The following MAML2 variants were observed in gnomAD, a reference collection of about 807,000 sequenced individuals.
MAML2 encodes the protein mastermind like transcriptional coactivator 2.
Under a neutral mutation model 96.1 loss-of-function variants are expected in MAML2, and 22 were observed. That is an observed-to-expected ratio of 0.23 (90% CI 0.16 to 0.33). The LOEUF (loss-of-function observed/expected upper bound fraction) is 0.33. MAML2 is among the 10% of genes least tolerant of loss of function. The probability of loss-of-function intolerance (pLI) is 1.00; values close to 1 mark genes in which losing one functional copy is unlikely to be tolerated. For synonymous variants in MAML2, 561 were observed against 521.3 expected, an observed-to-expected ratio of 1.08 and a Z score of -1.04; for missense variants, 1,367 against 1,392.4, an observed-to-expected ratio of 0.98 and a Z score of 0.29.
intron 1 of MAML2, among the ~76,000 whole-genome samples, chr11:96,170,608 T>C (rs1475563277): frequency 6.6e-6 from 1 of 152,200 alleles, no homozygotes; most frequent in Non-Finnish European, 1.5e-5. Context: ...AGATGTTTGA[T>C]GCGTGGATTA....
intron 1 of MAML2, among the ~76,000 whole-genome samples, chr11:96,275,497 C>T (rs1862977152): frequency 6.6e-6 from 1 of 152,008 alleles, no homozygotes; most frequent in African/African-American, 2.4e-5. Flanking sequence ...TCTTGGTCTC[C>T]TGACCTCGTG....
intron 2 of MAML2, among the ~76,000 whole-genome samples, chr11:96,075,804 T>A (rs941507258): frequency 1.1e-4 from 17 of 152,230 alleles, no homozygotes; most frequent in Admixed American, 7.9e-4. Context: ...GGTTTGTGGC[T>A]GGTATCATAC....
intron 1 of MAML2, among the ~76,000 whole-genome samples, chr11:96,255,477 C>G (rs1435529680): frequency 1.3e-5 from 2 of 152,196 alleles, no homozygotes; most frequent in Non-Finnish European, 2.9e-5. Flanking sequence ...CACACATTCC[C>G]AATCCCCTCT....
At position 95,993,968 on chromosome 11, in the gene MAML2, A is replaced by G. The variant is rs144639682; in HGVS notation, c.2140-2245T>C. ...CTTTGCAGATGAGAAACCTGAGCTC[A>G]GAGAGATCACATAGCTGTAAGTGGC... On this transcript the variant is annotated intron_variant, in intron 2 of 4. Coordinates refer to ENST00000524717, the MANE Select transcript of MAML2 (RefSeq NM_032427.4). Among the ~76,000 whole-genome samples, 209 of 152,352 alleles carry G rather than the reference A, an allele frequency of 1.4e-3. 1 individual carries two copies. Among genetic ancestry groups the G allele is most frequent in the African/African-American group, 4.8e-3 (199 of 41,592 alleles).
At chr11:96,238,889 A>C (rs1862397442) in intron 1 of MAML2, among the ~76,000 whole-genome samples, 1 of 152,368 alleles carries the variant, frequency 6.6e-6, no homozygotes, top group South Asian at 2.1e-4. Context: ...TCAGTGTCCA[A>C]AGGAGTAAGT....
chr11:96,217,703 G>A (rs1485273736), intron 1 of MAML2, among the ~76,000 whole-genome samples: 1 of 152,204 alleles, frequency 6.6e-6, no homozygotes, highest in Non-Finnish European at 1.5e-5. Flanking sequence ...ACATTACCCT[G>A]ATGGAGTGAA....
chr11:96,290,840 C>A (rs1863198168), intron 1 of MAML2, among the ~76,000 whole-genome samples: 1 of 152,090 alleles, frequency 6.6e-6, no homozygotes, highest in Admixed American at 6.5e-5. Flanking sequence ...AGTGGTGAGG[C>A]TCCCAAAGGT....
At chr11:96,143,761 C>T (rs1181721447) in intron 1 of MAML2, among the ~76,000 whole-genome samples, 1 of 152,182 alleles carries the variant, frequency 6.6e-6, no homozygotes, top group African/African-American at 2.4e-5. Flanking sequence ...CAATGTCAAA[C>T]CATTTAATCA....
intron 1 of MAML2, among the ~76,000 whole-genome samples, chr11:96,280,455 T>C (rs1863049398): frequency 1.3e-5 from 2 of 152,218 alleles, no homozygotes; most frequent in Admixed American, 1.3e-4. Context: ...GTCAAATTCA[T>C]TTCTTTTTTT....
intron 2 of MAML2, among the ~76,000 whole-genome samples, chr11:95,997,063 C>T (rs756477061): frequency 8.5e-5 from 13 of 152,112 alleles, no homozygotes; most frequent in Non-Finnish European, 1.6e-4. Flanking sequence ...CTAGACAAAC[C>T]GTAGTTAAAG....
At chr11:96,117,690 A>T (rs1165093622) in intron 1 of MAML2, among the ~76,000 whole-genome samples, 1 of 152,174 alleles carries the variant, frequency 6.6e-6, no homozygotes, top group Non-Finnish European at 1.5e-5. Flanking sequence ...CCTTGACAAT[A>T]TACAATCTTC....
chr11:96,036,578 A>G (rs1314517236), intron 2 of MAML2, among the ~76,000 whole-genome samples: 1 of 152,170 alleles, frequency 6.6e-6, no homozygotes, highest in Non-Finnish European at 1.5e-5. Flanking sequence ...ATAGGGATAC[A>G]TTGTGATTTG....
intron 2 of MAML2, among the ~76,000 whole-genome samples, chr11:96,040,878 T>C (rs906727737): frequency 3.3e-5 from 5 of 152,246 alleles, no homozygotes; most frequent in African/African-American, 4.8e-5. Context: ...TGACTGTTTT[T>C]GTACTTTTAT....
intron 1 of MAML2, among the ~76,000 whole-genome samples, chr11:96,282,723 T>C (rs1384205901): frequency 2.0e-5 from 3 of 152,248 alleles, no homozygotes; most frequent in African/African-American, 7.2e-5. Context: ...TCTAATCATG[T>C]TGAATTTTAT....
chr11:96,297,405 T>G (rs1447816292), intron 1 of MAML2, among the ~76,000 whole-genome samples: 1 of 151,966 alleles, frequency 6.6e-6, no homozygotes, highest in African/African-American at 2.4e-5. Flanking sequence ...TGAAACCCCG[T>G]CTCTACTAAA....
intron 1 of MAML2, among the ~76,000 whole-genome samples, chr11:96,326,403 G>A (rs1483271351): frequency 1.3e-5 from 2 of 151,810 alleles, no homozygotes; most frequent in African/African-American, 4.8e-5. Flanking sequence ...ATGTGTGTGT[G>A]TGTGTTTTAA....
At chr11:96,015,584 A>AAAG (rs1491096412) in intron 2 of MAML2, among the ~76,000 whole-genome samples, 1 of 55,286 alleles carries the variant, frequency 1.8e-5, no homozygotes, top group Admixed American at 2.6e-4. Context: ...AAAAAAAAAA[A>AAAG]GGGGGGGGGG....
chr11:96,018,645 G>A (rs1858390823), intron 2 of MAML2, among the ~76,000 whole-genome samples: 1 of 152,240 alleles, frequency 6.6e-6, no homozygotes. Context: ...CGCCCAGGCT[G>A]GAGTGCAGTG....
intron 1 of MAML2, among the ~76,000 whole-genome samples, chr11:96,274,509 C>T (rs933813874): frequency 1.3e-5 from 2 of 151,972 alleles, no homozygotes; most frequent in African/African-American, 2.4e-5. Context: ...TAGAGTATTT[C>T]TTTTATTTGT....
Sources: gnomAD v4.1 joint callset for allele counts (sites outside exome capture counted in the v4.1 genomes callset) on GRCh38, gnomAD v4.1.1 for gene constraint, MANE v1.5 for transcripts, NCBI Gene and HGNC (gene_info 2026-07-23, HGNC 2026-07-21) for gene names.